SLC8A1: variants seen among roughly 807,000 people sequenced by gnomAD.
SLC8A1 encodes sodium/calcium exchanger 1.
SLC8A1 carries 18 observed loss-of-function variants against 68.3 expected under a neutral mutation model. That is an observed-to-expected ratio of 0.26 (90% confidence interval 0.18 to 0.39). The LOEUF is 0.39. Among genes scored for constraint, SLC8A1 ranks in the 10% least tolerant of loss-of-function variants. SLC8A1 has a pLI of 1.00. For synonymous variants in SLC8A1, 475 were observed against 415.5 expected (o/e 1.14, Z -1.74); for missense variants, 985 against 1,156.7 (o/e 0.85, Z 2.15).
At chr2:40,442,727 C>T (rs138917115) in intron 1 of SLC8A1, among the ~76,000 whole-genome samples, 6,662 of 152,224 alleles carry the variant, frequency 0.044, 399 homozygotes, top group African/African-American at 0.14. Context: ...CCAGAAATAC[C>T]ATTTGACCTA....
chr2:40,407,268 G>C (rs1020921460), intron 2 of SLC8A1, among the ~76,000 whole-genome samples: 6 of 152,166 alleles, frequency 3.9e-5, no homozygotes, highest in Non-Finnish European at 8.8e-5. Context: ...GTTTCACCAT[G>C]TTGGCCAGGC....
chr2:40,138,712 T>C (rs1437684374), intron 7 of SLC8A1, among the ~76,000 whole-genome samples: 3 of 152,152 alleles, frequency 2.0e-5, no homozygotes, highest in African/African-American at 4.8e-5. Flanking sequence ...CCACCAAAGT[T>C]TGAAAATTAT....
At chr2:40,449,172 A>C (rs368728638) in intron 1 of SLC8A1, among the ~76,000 whole-genome samples, 15 of 138,710 alleles carry the variant, frequency 1.1e-4, no homozygotes, top group East Asian at 2.6e-4. Context: ...AAAAAACAAA[A>C]AACAACAACA....
intron 2 of SLC8A1, among the ~76,000 whole-genome samples, chr2:40,282,031 A>T (rs144300233): frequency 1.3e-5 from 2 of 152,286 alleles, no homozygotes; most frequent in African/African-American, 4.8e-5. Context: ...CCTTCAGCAC[A>T]GCTCCCCCAC....
intron 2 of SLC8A1, chr2:40,223,514 T>C (rs1477656336): frequency 6.6e-6 from 1 of 151,962 alleles, no homozygotes; most frequent in Non-Finnish European, 1.5e-5. Context: ...TTAAAGTATA[T>C]ATTAAAAAAA....
At chr2:40,505,372 A>T (rs1468557910) in intron 1 of SLC8A1, among the ~76,000 whole-genome samples, 1 of 151,880 alleles carries the variant, frequency 6.6e-6, no homozygotes, top group Non-Finnish European at 1.5e-5. Context: ...CAAAGGATAG[A>T]TGCTTGAGGC....
intron 4 of SLC8A1, among the ~76,000 whole-genome samples, chr2:40,171,186 T>C (rs894242188): frequency 1.3e-5 from 2 of 152,210 alleles, no homozygotes; most frequent in Non-Finnish European, 2.9e-5. Flanking sequence ...TTCTCAGTTA[T>C]AAAGTGAAGC....
chr2:40,468,181 C>A (rs1703805179), intron 1 of SLC8A1, among the ~76,000 whole-genome samples: 1 of 152,086 alleles, frequency 6.6e-6, no homozygotes, highest in Non-Finnish European at 1.5e-5. Flanking sequence ...TATTTCCCTC[C>A]ACTACTGACA....
chr2:40,223,444 G>A (rs979144992), intron 2 of SLC8A1, among the ~76,000 whole-genome samples: 6 of 151,996 alleles, frequency 3.9e-5, no homozygotes, highest in Non-Finnish European at 7.4e-5. Context: ...ACAGCAAACC[G>A]TCATGGCACG....
At chr2:40,153,701 C>G (rs1292298025) in intron 6 of SLC8A1, among the ~76,000 whole-genome samples, 1 of 152,172 alleles carries the variant, frequency 6.6e-6, no homozygotes, top group African/African-American at 2.4e-5. Context: ...GGCATTGATT[C>G]CATTTTGTTT....
intron 7 of SLC8A1, among the ~76,000 whole-genome samples, chr2:40,136,948 G>T (rs962710704): frequency 6.6e-6 from 1 of 152,186 alleles, no homozygotes; most frequent in Admixed American, 6.5e-5. Flanking sequence ...ACAGCACAAA[G>T]AAATCTGCGT....
rs147074581 is a variant in SLC8A1 at position 40,323,229 on chromosome 2, A to G, written c.1808+105244T>C. ...TTCTTAAATGGCTGTGAAGACTGAC[A>G]TCCATTGCAGTGTTTCCTTGATAAA... is the stretch of plus-strand genomic sequence containing the variant. On this transcript the variant is annotated intron_variant, in intron 2 of 7. Transcript: ENST00000406785. Among the ~76,000 whole-genome samples, 271 of 152,302 alleles carry G rather than the reference A, an allele frequency of 1.8e-3. 2 individuals carry two copies. Among genetic ancestry groups the G allele is most frequent in the African/African-American group, 6.3e-3 (264 of 41,576 alleles).
chr2:40,284,735 C>T (rs994420), intron 2 of SLC8A1, among the ~76,000 whole-genome samples: 31,175 of 151,228 alleles, frequency 0.21, 3,608 homozygotes, highest in East Asian at 0.37. Context: ...GTGTAGTCTG[C>T]CACTCTAATC....
chr2:40,201,250 A>G (rs907592541), intron 2 of SLC8A1, among the ~76,000 whole-genome samples: 2 of 151,768 alleles, frequency 1.3e-5, no homozygotes, highest in Non-Finnish European at 2.9e-5. Context: ...CTGTTTTTCA[A>G]TTTCTTATGT....
chr2:40,209,833 G>A (rs2056243924), intron 2 of SLC8A1: 1 of 152,462 alleles, frequency 6.6e-6, no homozygotes, highest in Non-Finnish European at 1.5e-5. Flanking sequence ...GGGAGGCACT[G>A]GACATCTGAA....
chr2:40,162,945 A>G (rs2045940617), intron 5 of SLC8A1, among the ~76,000 whole-genome samples: 1 of 152,184 alleles, frequency 6.6e-6, no homozygotes, highest in Admixed American at 6.5e-5. Context: ...TAAGTTCTTT[A>G]AAATACCTAT....
exon 8 of SLC8A1, chr2:40,115,370 A>G: frequency 6.2e-7 from 1 of 1,614,076 alleles, no homozygotes; most frequent in Non-Finnish European, 8.5e-7. Context: ...CACCCAGCTC[A>G]CCTCCGATTT....
intron 2 of SLC8A1, among the ~76,000 whole-genome samples, chr2:40,362,831 T>C (rs572716950): frequency 1.3e-5 from 2 of 152,190 alleles, no homozygotes; most frequent in African/African-American, 4.8e-5. Flanking sequence ...TTCTGTGTTC[T>C]CATAATTATA....
Position 40,139,677 on chromosome 2 carries a change from C to T in SLC8A1, c.2162-1G>A, listed in dbSNP as rs1308423822. On this transcript the variant is annotated splice_acceptor_variant, in intron 6 of 7. Transcript: ENST00000406785. LOFTEE classifies it high-confidence loss of function. The stretch of plus-strand genomic sequence containing the variant: ...CATTCATCGTCGTCATCATCTTCCC[C>T]TAGAGAGAATGGAAGGAAGCACATT... 6.2e-7 allele frequency: 1 copy of T among 1,612,200 alleles called. No individual in the cohort carries two copies. The highest frequency in any genetic ancestry group is 2.2e-5 in the East Asian group (1 of 44,852).
Sources: allele counts gnomAD v4.1 joint callset (sites outside exome capture counted in the v4.1 genomes callset), GRCh38; gene constraint gnomAD v4.1.1; transcripts MANE v1.5; gene names NCBI Gene and HGNC (gene_info 2026-07-23, HGNC 2026-07-21).